CDH18: variants seen among roughly 807,000 people sequenced by gnomAD.
CDH18 encodes cadherin 18.
CDH18 carries 31 observed loss-of-function variants against 67.9 expected under a neutral mutation model. That is an observed-to-expected ratio of 0.46 (90% CI 0.34 to 0.62). The LOEUF (loss-of-function observed/expected upper bound fraction) is 0.62. CDH18 is among the 20% of genes least tolerant of loss of function. The pLI is 0.01. For missense variants in CDH18, 890 were observed against 975.5 expected, an observed-to-expected ratio of 0.91 and a Z score of 1.17; for synonymous variants, 362 against 347.2, an observed-to-expected ratio of 1.04 and a Z score of -0.48.
chr5:20,374,031 T>C (rs1303338459), intron 1 of CDH18, among the ~76,000 whole-genome samples: 1 of 152,140 alleles, frequency 6.6e-6, no homozygotes, highest in African/African-American at 2.4e-5. Flanking sequence ...ACCCTACTCA[T>C]GTTATTATCA....
At chr5:20,171,178 T>C (rs1171281216) in intron 2 of CDH18, among the ~76,000 whole-genome samples, 2 of 152,148 alleles carry the variant, frequency 1.3e-5, no homozygotes, top group African/African-American at 2.4e-5. Context: ...GCAATATACA[T>C]ATTCATACAT....
chr5:19,659,584 T>C (rs958887829), intron 5 of CDH18, among the ~76,000 whole-genome samples: 1 of 152,128 alleles, frequency 6.6e-6, no homozygotes, highest in Admixed American at 6.6e-5. Context: ...TGAAATTTAA[T>C]CTCTAATACA....
chr5:19,896,302 A>G (rs1789331303), intron 2 of CDH18, among the ~76,000 whole-genome samples: 1 of 152,054 alleles, frequency 6.6e-6, no homozygotes, highest in Admixed American at 6.6e-5. Flanking sequence ...TGAGTCGAGA[A>G]CACATCATTG....
chr5:19,724,770 A>T (rs922649350), intron 4 of CDH18, among the ~76,000 whole-genome samples: 1 of 152,250 alleles, frequency 6.6e-6, no homozygotes, highest in Non-Finnish European at 1.5e-5. Flanking sequence ...TTAGAGAGGT[A>T]GTTTGGGTTT....
At chr5:20,163,057 CTAAATAAATAAA>C (rs3067898) in intron 2 of CDH18, among the ~76,000 whole-genome samples, 15 of 149,516 alleles carry the variant, frequency 1.0e-4, no homozygotes, top group African/African-American at 1.7e-4. Flanking sequence ...AAAACTGTCT[CTAAATAAATAAA>C]TAAATAAATA....
chr5:20,209,977 T>C (rs1458407865), intron 2 of CDH18, among the ~76,000 whole-genome samples: 1 of 151,424 alleles, frequency 6.6e-6, no homozygotes, highest in East Asian at 1.9e-4. Flanking sequence ...ATTTAAGAAG[T>C]AATATTAACT....
intron 9 of CDH18, among the ~76,000 whole-genome samples, chr5:19,541,630 C>T (rs755503241): frequency 9.2e-5 from 14 of 152,224 alleles, no homozygotes; most frequent in East Asian, 1.9e-4. Context: ...TATTACATGG[C>T]GGCAGGCAAG....
chr5:19,601,759 T>C (rs1202873014), intron 6 of CDH18, among the ~76,000 whole-genome samples: 1 of 152,040 alleles, frequency 6.6e-6, no homozygotes, highest in Non-Finnish European at 1.5e-5. Context: ...CCATGAGCAA[T>C]TGGGATTTTT....
rs1758800445 is a variant in CDH18, at chr5:20,571,185, G to GAAAACATA, written c.-580+4276_-580+4277insTATGTTTT. Among the ~76,000 whole-genome samples the GAAAACATA allele has an allele frequency of 2.0e-5, 3 of 152,052 alleles. No homozygotes were observed. In the South Asian group the frequency reaches 6.2e-4, roughly 32 times the overall value. On this transcript the variant is annotated intron_variant, in intron 1 of 14. Coordinates refer to the CDH18 transcript ENST00000507958. ...TATTACATGACAGTGACACCTCTAC[G>GAAAACATA]TCTTTACCATTAAATAGAAAACATG...
chr5:19,794,604 G>T (rs1469367378), intron 3 of CDH18, among the ~76,000 whole-genome samples: 3 of 151,098 alleles, frequency 2.0e-5, no homozygotes, highest in African/African-American at 7.3e-5. Flanking sequence ...TATTCTATAG[G>T]TTCTGTTTTT....
At chr5:19,763,547 A>G (rs1450175750) in intron 3 of CDH18, among the ~76,000 whole-genome samples, 1 of 152,162 alleles carries the variant, frequency 6.6e-6, no homozygotes, top group Non-Finnish European at 1.5e-5. Context: ...GCTAAATGTG[A>G]TATTTTTTGT....
chr5:20,349,709 AAC>A (rs1367825374), intron 1 of CDH18, among the ~76,000 whole-genome samples: 4 of 152,118 alleles, frequency 2.6e-5, no homozygotes, highest in African/African-American at 9.6e-5. Flanking sequence ...TTTCATATTT[AAC>A]ACTCTATTGC....
chr5:19,809,703 G>A lies in CDH18; in HGVS notation c.228+29056C>T, dbSNP rs1363559930. Among the ~76,000 whole-genome samples, 11 of 152,226 alleles carry A rather than the reference G, an allele frequency of 7.2e-5. No homozygotes were observed. In the East Asian group the frequency reaches 2.1e-3, roughly 29 times the overall value. On this transcript the variant is annotated intron_variant, in intron 3 of 12. Coordinates refer to ENST00000382275, the MANE Select transcript of CDH18 (RefSeq NM_004934.5). ...AGTGTTGTTGTTGTTTACATTAAGT[G>A]TATACATAAGAATCAGTAGTTAAGA...
chr5:19,639,617 G>A (rs1753742626), intron 5 of CDH18, among the ~76,000 whole-genome samples: 1 of 152,180 alleles, frequency 6.6e-6, no homozygotes, highest in Non-Finnish European at 1.5e-5. Context: ...ATGAGCAACT[G>A]CACCTAAAAT....
At chr5:20,192,096 T>C (rs1451936908) in intron 2 of CDH18, among the ~76,000 whole-genome samples, 1 of 152,164 alleles carries the variant, frequency 6.6e-6, no homozygotes, top group Non-Finnish European at 1.5e-5. Flanking sequence ...GATTTGCATT[T>C]CTCTGATGAT....
At position 20,252,885 on chromosome 5, in the gene CDH18, G is replaced by A. The variant is rs2860281; in HGVS notation, c.-518+2559C>T. On this transcript the variant is annotated intron_variant, in intron 2 of 14. Transcript: ENST00000507958. ...CGGGAGGCGGAGCTTGTAGTGAGCC[G>A]AGATTGTGCCACTGCACTCCAGCCT... Among the ~76,000 whole-genome samples, 1,319 of 150,672 alleles carry A rather than the reference G, an allele frequency of 8.8e-3. 23 individuals are homozygous for A. Among genetic ancestry groups the A allele is most frequent in the African/African-American group, 0.03 (1,211 of 41,038 alleles).
chr5:20,208,451 A>AC (rs35049308), intron 2 of CDH18, among the ~76,000 whole-genome samples: 105,680 of 151,900 alleles, frequency 0.7, 37,409 homozygotes, highest in African/African-American at 0.84. Flanking sequence ...AAACCATATC[A>AC]CAACAATATA....
chr5:19,808,163 T>A (rs1778225109), intron 3 of CDH18, among the ~76,000 whole-genome samples: 1 of 152,110 alleles, frequency 6.6e-6, no homozygotes, highest in South Asian at 2.1e-4. Context: ...TTATAGCATA[T>A]ATTGTTTAAT....
chr5:20,241,008 T>G (rs1244531184), intron 2 of CDH18, among the ~76,000 whole-genome samples: 1 of 152,232 alleles, frequency 6.6e-6, no homozygotes, highest in Non-Finnish European at 1.5e-5. Context: ...TTTCTTTTTT[T>G]ATTTATGTAA....
Sources: gnomAD v4.1 joint callset for allele counts (sites outside exome capture counted in the v4.1 genomes callset) on GRCh38, gnomAD v4.1.1 for gene constraint, MANE v1.5 for transcripts, NCBI Gene and HGNC (gene_info 2026-07-23, HGNC 2026-07-21) for gene names.